TRPC3: variants seen among roughly 807,000 people sequenced by gnomAD.
The protein encoded by TRPC3 is short transient receptor potential channel 3.
A neutral mutation model predicts 90.9 loss-of-function variants in TRPC3; 54 were observed. That is an observed-to-expected ratio of 0.59 (90% CI 0.48 to 0.75). The LOEUF is 0.75. TRPC3 is among the 30% of genes least tolerant of loss of function. TRPC3 has a pLI of 0.00. For synonymous variants in TRPC3, 424 were observed against 450.9 expected (o/e 0.94, Z 0.75); for missense variants, 918 against 1,194.5 (o/e 0.77, Z 3.41).
chr4:121,911,840 T>C, intron 5 of TRPC3, 37 bp downstream of exon 5: 1 of 1,545,718 alleles, frequency 6.5e-7, no homozygotes, highest in Non-Finnish European at 8.8e-7. Context: ...TAATTACCTT[T>C]TGGTAGAAAT....
intron 9 of TRPC3, among the ~76,000 whole-genome samples, chr4:121,902,043 GA>G (rs1347644993): frequency 8.5e-5 from 13 of 152,126 alleles, no homozygotes; most frequent in Non-Finnish European, 1.9e-4. Context: ...TAGTTTCAAC[GA>G]GAAAAAATAT....
chr4:121,912,500 G>A (rs1002187785), intron 4 of TRPC3, among the ~76,000 whole-genome samples: 2 of 151,890 alleles, frequency 1.3e-5, no homozygotes, highest in Admixed American at 1.3e-4. Flanking sequence ...GATGTTATGA[G>A]GATCTTATAG....
At chr4:121,916,753 G>A (rs1216394816) in intron 3 of TRPC3, among the ~76,000 whole-genome samples, 3 of 150,398 alleles carry the variant, frequency 2.0e-5, no homozygotes, top group African/African-American at 7.3e-5. Flanking sequence ...CTCTTTTGTT[G>A]CCCAGGCTGG....
intron 10 of TRPC3, among the ~76,000 whole-genome samples, chr4:121,895,504 A>T (rs1189378903): frequency 6.6e-6 from 1 of 152,094 alleles, no homozygotes; most frequent in East Asian, 1.9e-4. Context: ...GAAAAAGGAG[A>T]CATCACAATG....
chr4:121,905,047 A>G (rs1728832824), intron 7 of TRPC3, among the ~76,000 whole-genome samples: 1 of 152,122 alleles, frequency 6.6e-6, no homozygotes, highest in Non-Finnish European at 1.5e-5. Context: ...ATGGAATGCT[A>G]TGCAGTCACT....
chr4:121,896,345 T>C (rs966771840), intron 10 of TRPC3, among the ~76,000 whole-genome samples: 4 of 152,050 alleles, frequency 2.6e-5, no homozygotes, highest in Non-Finnish European at 5.9e-5. Flanking sequence ...AAGAAGGGTA[T>C]CCAAATTGGA....
Position 121,950,123 on chromosome 4 carries a change from C to T in TRPC3, c.215+1343G>A, listed in dbSNP as rs1730634788. Among the ~76,000 whole-genome samples, 3 of 152,142 alleles carry T rather than the reference C, an allele frequency of 2.0e-5. No homozygotes were observed. In the South Asian group the frequency reaches 6.2e-4, roughly 31 times the overall value. Reference sequence around the variant, plus strand: ...TCCATTTCCTGGGCCGTTTCCATTCCACGCTTATCTTCAGCAATAACTGAA... The same window carrying T: ...TCCATTTCCTGGGCCGTTTCCATTCTACGCTTATCTTCAGCAATAACTGAA... On this transcript the variant is annotated intron_variant, in intron 1 of 11. Transcript: ENST00000379645.
intron 5 of TRPC3, among the ~76,000 whole-genome samples, chr4:121,911,008 A>G (rs1729063728): frequency 6.6e-6 from 1 of 152,224 alleles, no homozygotes; most frequent in Admixed American, 6.5e-5. Context: ...AGAGGACAAA[A>G]TAGTACAACT....
At chr4:121,910,480 T>G in intron 5 of TRPC3, 93 bp from the exon 6 acceptor site, 1 of 962,046 alleles carries the variant, frequency 1.0e-6, no homozygotes, top group Non-Finnish European at 1.6e-6. Context: ...ATCTCTACCC[T>G]ACACGTCAAG....
chr4:121,914,990 A>C, intron 3 of TRPC3, 46 bp from the exon 4 acceptor site: 1 of 1,519,964 alleles, frequency 6.6e-7, no homozygotes, highest in Non-Finnish European at 9.0e-7. Flanking sequence ...AAGGTAAGTT[A>C]CCATACCATT....
At chr4:121,946,011 T>G (rs1234019069) in intron 1 of TRPC3, among the ~76,000 whole-genome samples, 1 of 151,548 alleles carries the variant, frequency 6.6e-6, no homozygotes, top group Non-Finnish European at 1.5e-5. Context: ...AGTTGGGAGA[T>G]AGAGACAAGG....
chr4:121,914,955 A>G lies in TRPC3; in HGVS notation c.1177-11T>C. On this transcript the variant is annotated splice_polypyrimidine_tract_variant and intron_variant, in intron 3 of 11. Transcript: ENST00000379645. ...GGGATGAGCCACAAACTATTGGGAG[A>G]GAGAGAGTTTGAGAAGGGGAGAGAA... The G allele has an allele frequency of 6.3e-7, 1 of 1,583,798 alleles. No homozygotes were observed. Among genetic ancestry groups the G allele is most frequent in the Non-Finnish European group, 8.6e-7 (1 of 1,157,384 alleles).
At chr4:121,899,561 A>T in intron 10 of TRPC3, 51 bp downstream of exon 10, 1 of 1,455,186 alleles carries the variant, frequency 6.9e-7, no homozygotes, top group South Asian at 1.1e-5. Flanking sequence ...ACACACGCAG[A>T]CATATATGGA....
At position 121,915,342 on chromosome 4, in the gene TRPC3, T is replaced by C. The variant is rs185599148; in HGVS notation, c.1177-398A>G. ...ATGGAAAAGAAGAAAAGTTACTTGG[T>C]TTATTGTAGGCTATAGCTAAAAGAG... On this transcript the variant is annotated intron_variant, in intron 3 of 11. Transcript: ENST00000379645. 5.3e-5 allele frequency among the ~76,000 whole-genome samples: 8 copies of C among 152,342 alleles called. No individual in the cohort carries two copies. The East Asian group carries it at 1.5e-3, about 29-fold the overall frequency.
At chr4:121,924,568 C>T (rs893945647) in intron 3 of TRPC3, among the ~76,000 whole-genome samples, 3 of 152,156 alleles carry the variant, frequency 2.0e-5, no homozygotes, top group African/African-American at 7.2e-5. Context: ...CAAGGTCTTG[C>T]TTGCTCTGTT....
At chr4:121,950,477 A>G (rs970349) in intron 1 of TRPC3, 111,455 of 152,288 alleles carry the variant, frequency 0.73, 41,010 homozygotes, top group East Asian at 0.82. Context: ...CTTCCTAAAA[A>G]AGACAGTAAA....
At chr4:121,893,677 G>GA (rs1185668985) in intron 10 of TRPC3, among the ~76,000 whole-genome samples, 2 of 151,958 alleles carry the variant, frequency 1.3e-5, no homozygotes, top group Non-Finnish European at 2.9e-5. Flanking sequence ...TTGTGAATGG[G>GA]AAAAAATACT....
At chr4:121,919,955 T>TTAA (rs1314736731) in intron 3 of TRPC3, among the ~76,000 whole-genome samples, 1 of 152,122 alleles carries the variant, frequency 6.6e-6, no homozygotes, top group African/African-American at 2.4e-5. Context: ...GGGGAGTGGA[T>TTAA]TAATGTTCAG....
rs931901423 is a variant in TRPC3 at position 121,951,213 on chromosome 4, G to T, written c.215+253C>A. On this transcript the variant is annotated intron_variant, in intron 1 of 11. Transcript: ENST00000379645. The surrounding 1 kb of genome is among the most constrained non-coding windows in gnomAD (Gnocchi z 4.4). ...AGTGTGCCCGCCTGCGGGCTGTTCC[G>T]TGTGCTTGAGCCTGGACAGAGCCCC... Among the ~76,000 whole-genome samples the T allele has an allele frequency of 6.6e-6, 1 of 152,182 alleles. No homozygotes were observed. Among genetic ancestry groups the T allele is most frequent in the African/African-American group, 2.4e-5 (1 of 41,464 alleles).
Sources: allele counts gnomAD v4.1 joint callset (sites outside exome capture counted in the v4.1 genomes callset), GRCh38; gene constraint gnomAD v4.1.1; non-coding constraint Gnocchi (gnomAD v3.1); transcripts MANE v1.5; gene names NCBI Gene and HGNC (gene_info 2026-07-23, HGNC 2026-07-21).